TRMT11: variants seen among roughly 807,000 people sequenced by gnomAD.
The protein encoded by TRMT11 is tRNA methyltransferase 11.
Under a neutral mutation model 62.8 loss-of-function variants are expected in TRMT11, and 53 were observed. That is an observed-to-expected ratio of 0.84 (90% CI 0.68 to 1.06). TRMT11 has a LOEUF of 1.06. Among genes scored for constraint, TRMT11 ranks in the 50% least tolerant of loss-of-function variants. The pLI, the probability that TRMT11 is intolerant of heterozygous loss-of-function variation, is 0.00. For synonymous variants in TRMT11, 188 were observed against 190.3 expected (o/e 0.99, Z 0.10); for missense variants, 556 against 553.4 (o/e 1.00, Z -0.05).
At chr6:126,106,522 G>C (rs182401486) in intron 17 of TRMT11, among the ~76,000 whole-genome samples, 1 of 152,276 alleles carries the variant, frequency 6.6e-6, no homozygotes, top group East Asian at 1.9e-4. Context: ...TTTTGCTGCT[G>C]CAGAAATAGG....
At chr6:126,132,258 A>G (rs1777794225) in intron 21 of TRMT11, among the ~76,000 whole-genome samples, 1 of 152,088 alleles carries the variant, frequency 6.6e-6, no homozygotes, top group African/African-American at 2.4e-5. Context: ...GAAGACAAAC[A>G]TAAGGCATAG....
At chr6:126,021,415 G>A in intron 12 of TRMT11, 135 bp downstream of exon 12, 2 of 1,111,394 alleles carry the variant, frequency 1.8e-6, no homozygotes, top group Non-Finnish European at 1.3e-6. Context: ...TTAGGAAGAG[G>A]CAGAAGTTGA....
the TRMT11 span, among the ~76,000 whole-genome samples, chr6:126,271,353 G>A: frequency 1.1e-5 from 1 of 93,616 alleles, no homozygotes; most frequent in African/African-American, 4.4e-5. Context: ...AACAGAGCAA[G>A]ACTCCATCTC....
chr6:126,111,509 T>G (rs1777531214), intron 17 of TRMT11, among the ~76,000 whole-genome samples: 1 of 152,132 alleles, frequency 6.6e-6, no homozygotes, highest in Non-Finnish European at 1.5e-5. Context: ...TTAGCTTTGC[T>G]AATTACATGG....
chr6:126,247,459 A>G, the TRMT11 span, among the ~76,000 whole-genome samples: 1 of 144,042 alleles, frequency 6.9e-6, no homozygotes, highest in East Asian at 2.2e-4. Flanking sequence ...CTATCTATCT[A>G]TCTATCTATC....
intron 21 of TRMT11, among the ~76,000 whole-genome samples, chr6:126,152,184 GA>G (rs1451606088): frequency 6.6e-6 from 1 of 150,704 alleles, no homozygotes; most frequent in African/African-American, 2.4e-5. Flanking sequence ...ACTGCAATTT[GA>G]ATGAAATTTT....
At chr6:126,022,103 A>G (rs1044931297) in intron 12 of TRMT11, among the ~76,000 whole-genome samples, 3 of 115,756 alleles carry the variant, frequency 2.6e-5, no homozygotes, top group Non-Finnish European at 5.0e-5. Flanking sequence ...TCTTTCACCC[A>G]GGCAATCTCG....
the TRMT11 span, among the ~76,000 whole-genome samples, chr6:126,209,562 T>C: frequency 7.2e-6 from 1 of 139,288 alleles, no homozygotes; most frequent in Non-Finnish European, 1.5e-5. Context: ...CTACTAAAAA[T>C]ACAAAAAAAA....
At chr6:126,243,361 G>T in the TRMT11 span, among the ~76,000 whole-genome samples, 1 of 152,178 alleles carries the variant, frequency 6.6e-6, no homozygotes, top group Non-Finnish European at 1.5e-5. Flanking sequence ...TTCAACCATT[G>T]TGGAAGTCAG....
the TRMT11 span, chr6:126,258,407 C>T: frequency 6.0e-6 from 2 of 332,416 alleles, no homozygotes; most frequent in African/African-American, 2.2e-5. Flanking sequence ...CTGCCTGGCT[C>T]CTGGTGGCTG....
At chr6:126,042,685 C>T (rs1472989923), downstream of TRMT11, among the ~76,000 whole-genome samples, 2 of 152,150 alleles carry the variant, frequency 1.3e-5, no homozygotes, top group Non-Finnish European at 2.9e-5. Context: ...CTGGCTCTCT[C>T]CTGAGGATTT....
At chr6:126,246,110 G>A in the TRMT11 span, among the ~76,000 whole-genome samples, 4 of 151,792 alleles carry the variant, frequency 2.6e-5, no homozygotes, top group Non-Finnish European at 4.4e-5. Flanking sequence ...GTGAAACCTC[G>A]TCTCTTAAAA....
intron 21 of TRMT11, among the ~76,000 whole-genome samples, chr6:126,149,042 G>C (rs1256209086): frequency 6.6e-6 from 1 of 152,160 alleles, no homozygotes; most frequent in African/African-American, 2.4e-5. Flanking sequence ...TGTAATTATT[G>C]TGTCAAAGTT....
At chr6:126,231,162 T>A in the TRMT11 span, among the ~76,000 whole-genome samples, 1 of 152,322 alleles carries the variant, frequency 6.6e-6, no homozygotes, top group African/African-American at 2.4e-5. Context: ...GCAAGATTTT[T>A]AAAAATCTAC....
intron 21 of TRMT11, among the ~76,000 whole-genome samples, chr6:126,155,761 C>T (rs1778112107): frequency 1.3e-5 from 2 of 152,304 alleles, no homozygotes; most frequent in South Asian, 4.1e-4. Flanking sequence ...CGCTCTGTCA[C>T]CCAGGCTGGA....
chr6:126,251,082 G>A, the TRMT11 span, among the ~76,000 whole-genome samples: 2 of 150,158 alleles, frequency 1.3e-5, no homozygotes, highest in Non-Finnish European at 2.9e-5. Flanking sequence ...CCAGGCTGGA[G>A]TGCAGTGGCA....
chr6:126,086,717 T>G (rs1259996174), intron 17 of TRMT11, among the ~76,000 whole-genome samples: 1 of 152,206 alleles, frequency 6.6e-6, no homozygotes, highest in African/African-American at 2.4e-5. Context: ...TGATTCCTGT[T>G]CACTTCTTTG....
chr6:126,029,723 A>G (rs1457407151), intron 12 of TRMT11, among the ~76,000 whole-genome samples: 1 of 152,186 alleles, frequency 6.6e-6, no homozygotes, highest in East Asian at 1.9e-4. Context: ...GAAATATTAG[A>G]TACAGTAACT....
intron 17 of TRMT11, among the ~76,000 whole-genome samples, chr6:126,070,649 G>A (rs1776825089): frequency 6.6e-6 from 1 of 152,108 alleles, no homozygotes; most frequent in South Asian, 2.1e-4. Flanking sequence ...CTCCAGAAAT[G>A]TACATCTAGT....
Sources: allele counts gnomAD v4.1 joint callset (sites outside exome capture counted in the v4.1 genomes callset), GRCh38; gene constraint gnomAD v4.1.1; transcripts MANE v1.5; gene names NCBI Gene and HGNC (gene_info 2026-07-23, HGNC 2026-07-21).